Variants in BRIP1 observed in about 807,000 individuals in gnomAD.
The protein encoded by BRIP1 is BRCA1 interacting DNA helicase 1, also known as Fanconi anemia group J protein.
BRIP1 carries 88 observed loss-of-function variants against 119.7 expected under a neutral mutation model. The observed-to-expected ratio is 0.74, with a 90% CI of 0.62 to 0.88. The LOEUF is 0.88. BRIP1 is among the 40% of genes least tolerant of loss of function. BRIP1 has a pLI of 0.00. For missense variants in BRIP1, 1,259 were observed against 1,455.4 expected, an observed-to-expected ratio of 0.87 and a Z score of 2.20; for synonymous variants, 443 against 496.5, an observed-to-expected ratio of 0.89 and a Z score of 1.43.
intron 10 of BRIP1, among the ~76,000 whole-genome samples, chr17:61,785,947 G>T (rs2077699189): frequency 6.6e-6 from 1 of 151,834 alleles, no homozygotes; most frequent in South Asian, 2.1e-4. Context: ...TAGAAAAATA[G>T]AAAACTAAGC....
chr17:61,779,733 A>G (rs769753021), intron 13 of BRIP1, among the ~76,000 whole-genome samples: 2 of 152,226 alleles, frequency 1.3e-5, no homozygotes, highest in Non-Finnish European at 2.9e-5. Flanking sequence ...AGGCAAGTGC[A>G]TCATTTGAGG....
intron 16 of BRIP1, among the ~76,000 whole-genome samples, chr17:61,731,875 C>G (rs570226903): frequency 5.8e-4 from 86 of 149,138 alleles, no homozygotes; most frequent in Middle Eastern, 3.7e-3. Context: ...ACTCTGTCCC[C>G]TGAGTCTATT....
At chr17:61,716,122 T>G in intron 16 of BRIP1, 59 bp from the exon 17 acceptor site, 1 of 1,031,476 alleles carries the variant, frequency 9.7e-7, no homozygotes, top group South Asian at 1.6e-5. Flanking sequence ...ATTTTAAACA[T>G]CATATTAACT....
In BRIP1 at chr17:61,753,607, T is replaced by C. The variant is rs1011540277; in HGVS notation, c.2098-9016A>G. ...AGAAAATCTTATTTCCTCTCCATTTTTTTTTTTTTTTAGAGATGGGATCTC... is the reference window on the plus strand; with the variant it reads ...AGAAAATCTTATTTCCTCTCCATTTCTTTTTTTTTTTAGAGATGGGATCTC... On this transcript the variant is annotated intron_variant, in intron 14 of 19. Transcript: ENST00000259008. This position sits in a 1 kb window ranked among gnomAD's most constrained non-coding sequence, Gnocchi z 4.6. Among the ~76,000 whole-genome samples, 5 of 151,788 alleles carry C rather than the reference T, an allele frequency of 3.3e-5. No homozygotes were observed. The highest frequency in any genetic ancestry group is 7.4e-5 in the Non-Finnish European group (5 of 67,904).
Position 61,769,641 on chromosome 17 carries a change from T to C in BRIP1, c.2097+6760A>G, listed in dbSNP as rs1261256211. Among the ~76,000 whole-genome samples, 1 of 152,158 alleles carries C rather than the reference T, an allele frequency of 6.6e-6. No homozygotes were observed. Among genetic ancestry groups the C allele is most frequent in the Non-Finnish European group, 1.5e-5 (1 of 68,034 alleles). The stretch of plus-strand genomic sequence containing the variant: ...CCAATATGTAAAGAACTGGAAGTCA[T>C]CACACCTGTTTTACAACAGAAAAAA... On this transcript the variant is annotated intron_variant, in intron 14 of 19. Coordinates refer to ENST00000259008, the MANE Select transcript of BRIP1 (RefSeq NM_032043.3). This position sits in a 1 kb window ranked among gnomAD's most constrained non-coding sequence, Gnocchi z 4.9.
At position 61,806,758 on chromosome 17, in the gene BRIP1, C is replaced by T. The variant is rs181889271; in HGVS notation, c.918+1709G>A. 1.4e-4 allele frequency among the ~76,000 whole-genome samples: 21 copies of T among 152,304 alleles called. No homozygotes were observed. Among genetic ancestry groups the T allele is most frequent in the African/African-American group, 3.6e-4 (15 of 41,578 alleles). ...TGTTGCCCAGGCTGCAGTGCAGTGG[C>T]GCGATCTTGGCTCACTGCAACCTCT... is the stretch of plus-strand genomic sequence containing the variant. On this transcript the variant is annotated intron_variant, in intron 7 of 19. Transcript: ENST00000259008. The surrounding 1 kb of genome is among the most constrained non-coding windows in gnomAD (Gnocchi z 4.9).
intron 14 of BRIP1, among the ~76,000 whole-genome samples, chr17:61,765,382 TA>T (rs1567798680): frequency 0.029 from 527 of 18,170 alleles, 6 homozygotes; most frequent in East Asian, 0.043. Context: ...GTATATATTA[TA>T]TATATATATA....
chr17:61,786,992 T>G (rs1251189137), intron 10 of BRIP1, among the ~76,000 whole-genome samples: 1 of 116,334 alleles, frequency 8.6e-6, no homozygotes, highest in East Asian at 2.4e-4. Context: ...TTATATAAAT[T>G]TATAAATAAT....
At position 61,789,739 on chromosome 17, in the gene BRIP1, T is replaced by C. The variant is rs2077786806; in HGVS notation, c.1473+3858A>G. ...GAATCTTTACTTAAATAGGAAAGTATACACAATATATTGTTAAATTAAAAG... is the reference window on the plus strand; with the variant it reads ...GAATCTTTACTTAAATAGGAAAGTACACACAATATATTGTTAAATTAAAAG... On this transcript the variant is annotated intron_variant, in intron 10 of 19. Coordinates refer to ENST00000259008, the MANE Select transcript of BRIP1 (RefSeq NM_032043.3). This position sits in a 1 kb window ranked among gnomAD's most constrained non-coding sequence, Gnocchi z 4.8. 6.6e-6 allele frequency among the ~76,000 whole-genome samples: 1 copy of C among 152,274 alleles called. No homozygotes were observed. Among genetic ancestry groups the C allele is most frequent in the South Asian group, 2.1e-4 (1 of 4,830 alleles).
rs1340485596 is a variant in BRIP1 at position 61,841,297 on chromosome 17, T to C, written c.627+5804A>G. Among the ~76,000 whole-genome samples the C allele has an allele frequency of 6.6e-6, 1 of 151,926 alleles. No individual in the cohort carries two copies. The highest frequency in any genetic ancestry group is 1.5e-5 in the Non-Finnish European group (1 of 67,992). On this transcript the variant is annotated intron_variant, in intron 6 of 19. Coordinates refer to ENST00000259008, the MANE Select transcript of BRIP1 (RefSeq NM_032043.3). The surrounding 1 kb of genome is among the most constrained non-coding windows in gnomAD (Gnocchi z 4.1). ...ACAACCTGTAGAATGGGAGAAAATA[T>C]TTCCAAACTATTCATCTGAGAAGGG...
rs2144673291 is a variant in BRIP1 at position 61,742,946 on chromosome 17, C to T, written c.2379+67G>A. ...CAAAGCGCAATAAAATGAGGGATCCCTGCAATTAACTTTATACAAAACCAA... is the reference window on the plus strand; with the variant it reads ...CAAAGCGCAATAAAATGAGGGATCCTTGCAATTAACTTTATACAAAACCAA... On this transcript the variant is annotated intron_variant, in intron 16 of 19. Coordinates refer to ENST00000259008, the MANE Select transcript of BRIP1 (RefSeq NM_032043.3). The surrounding 1 kb of genome is among the most constrained non-coding windows in gnomAD (Gnocchi z 4.7). 1 of 1,585,212 alleles carries T rather than the reference C, an allele frequency of 6.3e-7. No homozygotes were observed. The highest frequency in any genetic ancestry group is 8.7e-7 in the Non-Finnish European group (1 of 1,155,194).
At position 61,682,357 on chromosome 17, in the gene BRIP1, A is replaced by G. The variant is rs2061281308; in HGVS notation, c.*939T>C. On this transcript the variant is annotated 3_prime_UTR_variant, in exon 20 of 20. Coordinates refer to ENST00000259008, the MANE Select transcript of BRIP1 (RefSeq NM_032043.3). This position sits in a 1 kb window ranked among gnomAD's most constrained non-coding sequence, Gnocchi z 4.9. ...AAATATATAATACTAAGCAGGATCTAGTATTTTTTTCCACAATGATGGTGA... is the reference window on the plus strand; with the variant it reads ...AAATATATAATACTAAGCAGGATCTGGTATTTTTTTCCACAATGATGGTGA... 1 of 204,408 alleles carries G rather than the reference A, an allele frequency of 4.9e-6. No individual in the cohort carries two copies. Among genetic ancestry groups the G allele is most frequent in the Non-Finnish European group, 1.0e-5 (1 of 99,858 alleles). The allele number at this position is 204,408 out of a possible 1,614,324, so 12.7% of individuals were successfully genotyped here. A position where few individuals can be genotyped will look rare whatever the true frequency, so the allele number is the denominator to read the frequency against.
intron 6 of BRIP1, among the ~76,000 whole-genome samples, chr17:61,836,447 C>T (rs1448242352): frequency 1.3e-5 from 2 of 152,136 alleles, no homozygotes; most frequent in African/African-American, 4.8e-5. Context: ...ATTAAGTCAC[C>T]TGTATTTAAC....
In BRIP1 at chr17:61,695,977, C is replaced by T. The variant is rs1265283576; in HGVS notation, c.2493-2465G>A. Among the ~76,000 whole-genome samples the T allele has an allele frequency of 1.3e-5, 2 of 152,108 alleles. No individual in the cohort carries two copies. Among genetic ancestry groups the T allele is most frequent in the East Asian group, 3.9e-4 (2 of 5,192 alleles). On this transcript the variant is annotated intron_variant, in intron 17 of 19. Coordinates refer to ENST00000259008, the MANE Select transcript of BRIP1 (RefSeq NM_032043.3). This position sits in a 1 kb window ranked among gnomAD's most constrained non-coding sequence, Gnocchi z 4.3. ...TTTCTTTCTTCTTCTTGTCTCACTG[C>T]CCTGGTTAGAACCTCCAATACAATA... is the stretch of plus-strand genomic sequence containing the variant.
rs1396816005 is a variant in BRIP1 at position 61,724,509 on chromosome 17, G to A, written c.2380-8446C>T. On this transcript the variant is annotated intron_variant, in intron 16 of 19. Coordinates refer to ENST00000259008, the MANE Select transcript of BRIP1 (RefSeq NM_032043.3). This position sits in a 1 kb window ranked among gnomAD's most constrained non-coding sequence, Gnocchi z 5.1. ...TTTGCACAAAAGTAGCCTTTTTAAA[G>A]TTTATCAGTAGCTTCTGAAAAAATA... Among the ~76,000 whole-genome samples the A allele has an allele frequency of 6.6e-6, 1 of 152,084 alleles. No individual in the cohort carries two copies. Among genetic ancestry groups the A allele is most frequent in the Non-Finnish European group, 1.5e-5 (1 of 67,976 alleles).
At chr17:61,718,262 T>C (rs752726036) in intron 16 of BRIP1, among the ~76,000 whole-genome samples, 12 of 152,218 alleles carry the variant, frequency 7.9e-5, no homozygotes, top group Non-Finnish European at 1.5e-4. Flanking sequence ...TTAGGGTACT[T>C]GGAACCAGTT....
rs2061475580 is a variant in BRIP1 at position 61,693,377 on chromosome 17, A to G, written c.2575+53T>C. ...CATGTTATGTGTTTTTCACCACAAT[A>G]AAAATATGAAGATTGTTACTAGTTT... On this transcript the variant is annotated intron_variant, in intron 18 of 19. Transcript: ENST00000259008. This position sits in a 1 kb window ranked among gnomAD's most constrained non-coding sequence, Gnocchi z 4.2. The G allele has an allele frequency of 4.1e-6, 6 of 1,475,902 alleles. No homozygotes were observed. In the Admixed American group the frequency reaches 1.0e-4, roughly 25 times the overall value. 91.4% of individuals were successfully genotyped at this position (1,475,902 alleles called of 1,614,324 possible). A position where few individuals can be genotyped will look rare whatever the true frequency, so the allele number is the denominator to read the frequency against.
chr17:61,831,457 G>A lies in BRIP1; in HGVS notation c.627+15644C>T, dbSNP rs1021436543. ...ACTTCTATAATAGTAATGAATAACT[G>A]GAAGGAAATTATAAGTGGAATCATA... On this transcript the variant is annotated intron_variant, in intron 6 of 19. Transcript: ENST00000259008. This position sits in a 1 kb window ranked among gnomAD's most constrained non-coding sequence, Gnocchi z 4.1. 3.3e-5 allele frequency among the ~76,000 whole-genome samples: 5 copies of A among 152,124 alleles called. No homozygotes were observed. The highest frequency in any genetic ancestry group is 2.0e-4 in the Admixed American group (3 of 15,268).
rs2061301543 is a variant in BRIP1 at position 61,683,474 on chromosome 17, A to T, written c.3572T>A (p.Ile1191Lys). Reference sequence around the variant, plus strand: ...CAGAATTCCATTCAACTTTGTATCTATGCAATCCTCAGCTTTCACTTCTCT... The same window carrying T: ...CAGAATTCCATTCAACTTTGTATCTTTGCAATCCTCAGCTTTCACTTCTCT... The part of the protein sequence containing the change: ...SAREVKAEDC[I>K]DTKLNGILHI... Residue 1191 changes from isoleucine to lysine, a missense_variant, in exon 20 of 20, where the codon ATA becomes AAA. Transcript: ENST00000259008. This position sits in a 1 kb window ranked among gnomAD's most constrained non-coding sequence, Gnocchi z 4.7. 1 of 1,613,584 alleles carries T rather than the reference A, an allele frequency of 6.2e-7. No homozygotes were observed. The highest frequency in any genetic ancestry group is 8.5e-7 in the Non-Finnish European group (1 of 1,179,756).
Sources: gnomAD v4.1 joint callset for allele counts (sites outside exome capture counted in the v4.1 genomes callset) on GRCh38, gnomAD v4.1.1 for gene constraint, Gnocchi (gnomAD v3.1) non-coding constraint, MANE v1.5 for transcripts, NCBI Gene and HGNC (gene_info 2026-07-23, HGNC 2026-07-21) for gene names.